COL5A1: variants seen among roughly 807,000 people sequenced by gnomAD.
COL5A1 encodes the protein collagen alpha-1(V) chain.
Under a neutral mutation model 263.7 loss-of-function variants are expected in COL5A1, and 16 were observed. The observed-to-expected ratio is 0.06, with a 90% CI of 0.04 to 0.09. The LOEUF (loss-of-function observed/expected upper bound fraction) is 0.09, where lower values mean the gene tolerates loss of function less well. Among genes scored for constraint, COL5A1 ranks in the 10% least tolerant of loss-of-function variants. The pLI is 1.00. For missense variants in COL5A1, 2,036 were observed against 2,540.5 expected (o/e 0.80, Z 4.27); for synonymous variants, 1,012 against 1,004.5 (o/e 1.01, Z -0.14).
chr9:134,685,463 T>C (rs1422178865), intron 1 of COL5A1, among the ~76,000 whole-genome samples: 6 of 72,894 alleles, frequency 8.2e-5, no homozygotes, highest in Non-Finnish European at 1.0e-4. Context: ...CATCCATCCA[T>C]CCATTCATCC....
chr9:134,731,348 G>A lies in COL5A1; in HGVS notation c.1165-148G>A, dbSNP rs980126962. The A allele has an allele frequency of 9.0e-5, 74 of 822,426 alleles. 1 individual carries two copies. Among genetic ancestry groups the A allele is most frequent in the Non-Finnish European group, 1.4e-4 (70 of 500,746 alleles). 50.9% of individuals were successfully genotyped at this position (822,426 alleles called of 1,614,324 possible). A position where few individuals can be genotyped will look rare whatever the true frequency, so the allele number is the denominator to read the frequency against. The stretch of plus-strand genomic sequence containing the variant: ...GAGGGGGGTCTCTGCCCAGTTGACC[G>A]GGTAGCCATGGTGCCAGCACAGGGC... On this transcript the variant is annotated intron_variant, in intron 7 of 65. Coordinates refer to ENST00000371817, the MANE Select transcript of COL5A1 (RefSeq NM_000093.5).
rs1194727630 is a variant in COL5A1, at chr9:134,682,596, C to T, written c.110-8316C>T. Among the ~76,000 whole-genome samples, 5 of 152,196 alleles carry T rather than the reference C, an allele frequency of 3.3e-5. No homozygotes were observed. Among genetic ancestry groups the T allele is most frequent in the Non-Finnish European group, 7.3e-5 (5 of 68,030 alleles). ...GCTGCCCAGGAAGGGCGCAGGAATC[C>T]CGGAGGTCAGGCAGGTGGGCGAGTC... On this transcript the variant is annotated intron_variant, in intron 1 of 65. Transcript: ENST00000371817. This position sits in a 1 kb window ranked among gnomAD's most constrained non-coding sequence, Gnocchi z 5.1.
At chr9:134,748,000 T>TGCATTC (rs1475294041) in intron 11 of COL5A1, among the ~76,000 whole-genome samples, 1 of 80,320 alleles carries the variant, frequency 1.2e-5, no homozygotes, top group African/African-American at 4.5e-5. Flanking sequence ...CACACACACA[T>TGCATTC]ACACATGCAT....
Position 134,794,147 on chromosome 9 carries a change from G to A in COL5A1, c.2701-935G>A, listed in dbSNP as rs1837813717. Among the ~76,000 whole-genome samples the A allele has an allele frequency of 6.6e-6, 1 of 152,122 alleles. No homozygotes were observed. Among genetic ancestry groups the A allele is most frequent in the South Asian group, 2.1e-4 (1 of 4,820 alleles). On this transcript the variant is annotated intron_variant, in intron 32 of 65. Coordinates refer to ENST00000371817, the MANE Select transcript of COL5A1 (RefSeq NM_000093.5). The surrounding 1 kb of genome is among the most constrained non-coding windows in gnomAD (Gnocchi z 4.3). Reference sequence around the variant, plus strand: ...TCGAGACCATCCTTGCCAACATGGTGAAACCCTGTCTCTACTAAAATTAGC... The same window carrying A: ...TCGAGACCATCCTTGCCAACATGGTAAAACCCTGTCTCTACTAAAATTAGC...
chr9:134,779,044 T>A (rs1036014710), intron 27 of COL5A1, among the ~76,000 whole-genome samples: 3 of 152,184 alleles, frequency 2.0e-5, no homozygotes, highest in African/African-American at 7.2e-5. Context: ...AGGCCAGAAC[T>A]GCCAAGTATG....
chr9:134,712,469 C>T (rs1275553001), intron 4 of COL5A1, among the ~76,000 whole-genome samples: 20 of 104,978 alleles, frequency 1.9e-4, no homozygotes, highest in Admixed American at 1.8e-3. Flanking sequence ...TCTTGTCCCC[C>T]TCCTTCCTAT....
chr9:134,708,857 C>T (rs41299050), intron 4 of COL5A1: 23,303 of 456,602 alleles, frequency 0.051, 759 homozygotes, highest in Non-Finnish European at 0.066. Flanking sequence ...CCCTCTGAAG[C>T]TTCCAGCGGG....
chr9:134,825,687 C>T (rs907182762), intron 62 of COL5A1, 105 bp from the exon 63 acceptor site: 19 of 724,176 alleles, frequency 2.6e-5, no homozygotes, highest in East Asian at 2.5e-4. Flanking sequence ...ATTCCTGGGG[C>T]GTGCATTTTA....
In COL5A1 at chr9:134,753,027, G is replaced by A. The variant is rs117043611; in HGVS notation, c.1719+382G>A. ...TCCAGGCTCCCCCTGCAGAGAACAC[G>A]CTATGAGCTGTCACCAGAGGAGTGG... On this transcript the variant is annotated intron_variant, in intron 14 of 65. Coordinates refer to ENST00000371817, the MANE Select transcript of COL5A1 (RefSeq NM_000093.5). Among the ~76,000 whole-genome samples, 1,125 of 152,218 alleles carry A rather than the reference G, an allele frequency of 7.4e-3. 6 individuals are homozygous for A. The highest frequency in any genetic ancestry group is 0.012 in the Non-Finnish European group (814 of 67,990).
At chr9:134,779,538 T>TGTGCTGG (rs1837178010) in intron 27 of COL5A1, among the ~76,000 whole-genome samples, 1 of 152,204 alleles carries the variant, frequency 6.6e-6, no homozygotes, top group South Asian at 2.1e-4. Context: ...ACACCTGCTG[T>TGTGCTGG]GTGCTGGGTG....
intron 11 of COL5A1, among the ~76,000 whole-genome samples, chr9:134,739,950 A>G (rs1177503958): frequency 1.3e-5 from 2 of 152,092 alleles, no homozygotes; most frequent in Non-Finnish European, 2.9e-5. Context: ...GGAGGTTGTT[A>G]TCGTTCTGTG....
Position 134,842,008 on chromosome 9 carries a change from C to A in COL5A1, c.5371-149C>A. 1 of 843,856 alleles carries A rather than the reference C, an allele frequency of 1.2e-6. No individual in the cohort carries two copies. Among genetic ancestry groups the A allele is most frequent in the Non-Finnish European group, 2.0e-6 (1 of 512,480 alleles). 52.3% of individuals were successfully genotyped at this position (843,856 alleles called of 1,614,324 possible). A position where few individuals can be genotyped will look rare whatever the true frequency, so the allele number is the denominator to read the frequency against. On this transcript the variant is annotated intron_variant, in intron 65 of 65. Coordinates refer to ENST00000371817, the MANE Select transcript of COL5A1 (RefSeq NM_000093.5). The surrounding 1 kb of genome is among the most constrained non-coding windows in gnomAD (Gnocchi z 5.8). ...CATGCTCTGATCAGCCATATTTCCT[C>A]CAACACTTGCCCGGGCAAGCGCAGC...
chr9:134,802,182 A>G (rs753866845), intron 38 of COL5A1, among the ~76,000 whole-genome samples, 175 bp downstream of exon 38: 14 of 152,326 alleles, frequency 9.2e-5, no homozygotes, highest in Non-Finnish European at 1.9e-4. Context: ...CGCAGGAGCA[A>G]GCACAGATGT....
rs1003458609 is a variant in COL5A1 at position 134,680,252 on chromosome 9, C to T, written c.110-10660C>T. On this transcript the variant is annotated intron_variant, in intron 1 of 65. Transcript: ENST00000371817. This position sits in a 1 kb window ranked among gnomAD's most constrained non-coding sequence, Gnocchi z 5.9. Reference sequence around the variant, plus strand: ...CAGGCGAAGGTTAACATAGAGCCTCCAGGCCCGGCTACAGGCCATTTTCTC... The same window carrying T: ...CAGGCGAAGGTTAACATAGAGCCTCTAGGCCCGGCTACAGGCCATTTTCTC... Among the ~76,000 whole-genome samples, 1 of 152,182 alleles carries T rather than the reference C, an allele frequency of 6.6e-6. No individual in the cohort carries two copies. Among genetic ancestry groups the T allele is most frequent in the Non-Finnish European group, 1.5e-5 (1 of 68,026 alleles).
intron 7 of COL5A1, 127 bp downstream of exon 7, chr9:134,730,602 C>T: frequency 7.5e-7 from 1 of 1,332,540 alleles, no homozygotes; most frequent in South Asian, 1.2e-5. Context: ...CCCCTGTGTT[C>T]CACCACACCC....
At chr9:134,720,388 G>T (rs1219987096) in intron 4 of COL5A1, among the ~76,000 whole-genome samples, 2 of 152,224 alleles carry the variant, frequency 1.3e-5, no homozygotes, top group Non-Finnish European at 2.9e-5. Context: ...CACCAGGAGA[G>T]GAGGCTTCAT....
Position 134,700,145 on chromosome 9 carries a change from C to T in COL5A1, c.491+23C>T. 6.3e-7 allele frequency: 1 copy of T among 1,595,082 alleles called. No individual in the cohort carries two copies. Among genetic ancestry groups the T allele is most frequent in the Non-Finnish European group, 8.5e-7 (1 of 1,176,644 alleles). ...CAAGTAAGTGGGCACTTCTGGGCAACTGTCCCCCTGCTGGAGGGGGGATCA... is the reference window on the plus strand; with the variant it reads ...CAAGTAAGTGGGCACTTCTGGGCAATTGTCCCCCTGCTGGAGGGGGGATCA... On this transcript the variant is annotated intron_variant, in intron 3 of 65. Coordinates refer to ENST00000371817, the MANE Select transcript of COL5A1 (RefSeq NM_000093.5). The surrounding 1 kb of genome is among the most constrained non-coding windows in gnomAD (Gnocchi z 4.0).
chr9:134,663,380 AG>A (rs1312619916), intron 1 of COL5A1, among the ~76,000 whole-genome samples: 3 of 151,928 alleles, frequency 2.0e-5, no homozygotes, highest in Non-Finnish European at 4.4e-5. Flanking sequence ...GGGCTGGGGG[AG>A]GGAGTGTGGC....
At chr9:134,832,896 G>A (rs1839700593) in intron 64 of COL5A1, 1 of 152,282 alleles carries the variant, frequency 6.6e-6, no homozygotes. Flanking sequence ...GAAAAAGTGG[G>A]TCCTGCAGTG....
Sources: allele counts gnomAD v4.1 joint callset (sites outside exome capture counted in the v4.1 genomes callset), GRCh38; gene constraint gnomAD v4.1.1; non-coding constraint Gnocchi (gnomAD v3.1); transcripts MANE v1.5; gene names NCBI Gene and HGNC (gene_info 2026-07-23, HGNC 2026-07-21).